Variants in PCDHA11 observed in about 807,000 individuals in gnomAD.
PCDHA11 encodes the protein protocadherin alpha-11.
PCDHA11 carries 61 observed loss-of-function variants against 70.3 expected under a neutral mutation model. The ratio of observed to expected loss-of-function variants is 0.87; its 90% CI spans 0.71 to 1.07. The LOEUF (loss-of-function observed/expected upper bound fraction) is 1.07. Ranked by LOEUF, PCDHA11 falls within the 50% of genes least tolerant of loss-of-function variation. The pLI is 0.00. For synonymous variants in PCDHA11, 633 were observed against 555.1 expected (o/e 1.14, Z -1.97); for missense variants, 1,324 against 1,237.5 (o/e 1.07, Z -1.05).
chr5:140,950,071 T>C (rs560042578), intron 1 of PCDHA11, among the ~76,000 whole-genome samples: 20 of 152,098 alleles, frequency 1.3e-4, no homozygotes, highest in African/African-American at 4.8e-4. Context: ...TCCTGTGCCA[T>C]TGCTTATGCT....
intron 1 of PCDHA11, among the ~76,000 whole-genome samples, chr5:140,914,601 T>G (rs190275610): frequency 1.8e-4 from 27 of 152,294 alleles, no homozygotes; most frequent in Non-Finnish European, 3.7e-4. Context: ...AGGAACTTCC[T>G]CCTGCCATTT....
In PCDHA11 at chr5:140,869,123, G is replaced by A; in HGVS notation, c.20G>A (p.Arg7Lys). The change falls in exon 1 of 4, where the codon AGG (arginine) becomes AAG (lysine). Residue 7 changes from arginine to lysine, a missense_variant. Transcript: ENST00000398640. The part of the protein sequence containing the change: MFGFQR[R>K]GLGTPRLQLW... Reference sequence around the variant, plus strand: ...TATGCGATGTTTGGTTTTCAGAGAAGGGGATTGGGCACCCCACGACTACAG... The same window carrying A: ...TATGCGATGTTTGGTTTTCAGAGAAAGGGATTGGGCACCCCACGACTACAG... The A allele has an allele frequency of 6.2e-7, 1 of 1,608,454 alleles. No homozygotes were observed. Among genetic ancestry groups the A allele is most frequent in the South Asian group, 1.1e-5 (1 of 90,782 alleles).
chr5:140,907,864 G>A (rs1033952784), intron 1 of PCDHA11, among the ~76,000 whole-genome samples: 3 of 152,202 alleles, frequency 2.0e-5, no homozygotes, highest in African/African-American at 7.2e-5. Context: ...GAGGCCAGCC[G>A]TTGGTGAGCA....
intron 1 of PCDHA11, among the ~76,000 whole-genome samples, chr5:140,960,014 A>G (rs1380089859): frequency 6.6e-6 from 1 of 152,222 alleles, no homozygotes; most frequent in Non-Finnish European, 1.5e-5. Flanking sequence ...ATTTTGCATC[A>G]TGATTTTGTT....
intron 1 of PCDHA11, chr5:140,926,342 G>T (rs1238404747): frequency 6.6e-6 from 1 of 152,270 alleles, no homozygotes; most frequent in Admixed American, 6.5e-5. Flanking sequence ...GCCGGGACCC[G>T]ACGCGCGGCT....
intron 1 of PCDHA11, among the ~76,000 whole-genome samples, chr5:140,934,476 AATTAT>A (rs2089852464): frequency 6.6e-6 from 1 of 152,124 alleles, no homozygotes. Flanking sequence ...TTATTTTGAA[AATTAT>A]ATTCACCTCA....
At chr5:140,937,736 C>T (rs778178538) in intron 1 of PCDHA11, among the ~76,000 whole-genome samples, 84 of 151,896 alleles carry the variant, frequency 5.5e-4, no homozygotes, top group Non-Finnish European at 1.1e-3. Context: ...CACGGTGAAA[C>T]CCCGTCTCTA....
intron 1 of PCDHA11, chr5:140,877,392 G>A: frequency 1.2e-6 from 2 of 1,613,970 alleles, no homozygotes; most frequent in Non-Finnish European, 1.7e-6. Flanking sequence ...TGGATGAGGC[G>A]GACGCTCCGC....
At chr5:140,941,150 G>T (rs894422349) in intron 1 of PCDHA11, among the ~76,000 whole-genome samples, 1 of 151,436 alleles carries the variant, frequency 6.6e-6, no homozygotes, top group Non-Finnish European at 1.5e-5. Context: ...TAGTTTGGAG[G>T]CCCCATAAGA....
chr5:140,902,783 G>A (rs1013396334), intron 1 of PCDHA11, among the ~76,000 whole-genome samples: 19 of 151,054 alleles, frequency 1.3e-4, no homozygotes, highest in Admixed American at 9.2e-4. Flanking sequence ...TCATAGCTTA[G>A]CTCTCACTTG....
rs200153004 is a variant in PCDHA11 at position 140,870,042 on chromosome 5, G to A, written c.939G>A (p.Lys313=). 5 of 1,613,712 alleles carry A rather than the reference G, an allele frequency of 3.1e-6. No homozygotes were observed. In the East Asian group the frequency reaches 6.7e-5, roughly 22 times the overall value. The change falls in exon 1 of 4, where the codon AAG becomes AAA. Residue 313 remains lysine (K), a synonymous_variant. Coordinates refer to ENST00000398640, the MANE Select transcript of PCDHA11 (RefSeq NM_018902.5). The stretch of plus-strand genomic sequence containing the variant: ...GAACTTTAGATTATGAAGAAAACAA[G>A]TTTTATAAAATTGAAGTACAGGCTA... The part of the protein sequence containing the change: ...VNGTLDYEEN[K]FYKIEVQATD...
chr5:140,906,438 G>T (rs1264031299), intron 1 of PCDHA11, among the ~76,000 whole-genome samples: 1 of 152,016 alleles, frequency 6.6e-6, no homozygotes, highest in Non-Finnish European at 1.5e-5. Context: ...TGATAAACAA[G>T]AAAGGAAATA....
chr5:140,878,084 T>C (rs782330226), intron 1 of PCDHA11: 82 of 330,796 alleles, frequency 2.5e-4, no homozygotes, highest in Admixed American at 2.3e-4. Flanking sequence ...TATAATATTT[T>C]ATATGACTGA....
At chr5:140,878,906 C>T (rs1320249788) in intron 1 of PCDHA11, among the ~76,000 whole-genome samples, 2 of 152,210 alleles carry the variant, frequency 1.3e-5, no homozygotes, top group African/African-American at 4.8e-5. Flanking sequence ...CAGGCTCCAC[C>T]ACTCCCAGCT....
At position 140,932,218 on chromosome 5, in the gene PCDHA11, T is replaced by G. The variant is rs556134668; in HGVS notation, c.2392-46731T>G. ...TCTGTTAATATTCTTGATGGGCAATTTAAATTTTTTAGAATGGTATCTAAG... is the reference window on the plus strand; with the variant it reads ...TCTGTTAATATTCTTGATGGGCAATGTAAATTTTTTAGAATGGTATCTAAG... On this transcript the variant is annotated intron_variant, in intron 1 of 3. Coordinates refer to ENST00000398640, the MANE Select transcript of PCDHA11 (RefSeq NM_018902.5). Among the ~76,000 whole-genome samples, 20 of 152,034 alleles carry G rather than the reference T, an allele frequency of 1.3e-4. 1 individual carries two copies. Among genetic ancestry groups the G allele is most frequent in the Middle Eastern group, 3.4e-3 (1 of 292 alleles).
At chr5:140,938,631 T>C (rs1554212262) in intron 1 of PCDHA11, among the ~76,000 whole-genome samples, 1 of 152,208 alleles carries the variant, frequency 6.6e-6, no homozygotes. Context: ...AGGTTGCTTA[T>C]GATGTATAAT....
intron 1 of PCDHA11, among the ~76,000 whole-genome samples, chr5:140,905,438 C>T (rs182288757): frequency 1.5e-4 from 23 of 152,228 alleles, no homozygotes; most frequent in Non-Finnish European, 2.4e-4. Flanking sequence ...TAACTACAGC[C>T]TTTTAGTATA....
At chr5:140,968,341 C>T in intron 1 of PCDHA11, 1 of 1,614,132 alleles carries the variant, frequency 6.2e-7, no homozygotes, top group Non-Finnish European at 8.5e-7. Context: ...TCTCCATTAA[C>T]AGTGCCAGTG....
chr5:140,969,880 A>G (rs1365035569), intron 1 of PCDHA11, among the ~76,000 whole-genome samples: 2 of 152,238 alleles, frequency 1.3e-5, no homozygotes, highest in Non-Finnish European at 2.9e-5. Flanking sequence ...CCTATGTGAT[A>G]GGATCCTCTG....
Sources: gnomAD v4.1 joint callset for allele counts (sites outside exome capture counted in the v4.1 genomes callset) on GRCh38, gnomAD v4.1.1 for gene constraint, MANE v1.5 for transcripts, NCBI Gene and HGNC (gene_info 2026-07-23, HGNC 2026-07-21) for gene names.